STMND1: variants seen among roughly 807,000 people sequenced by gnomAD.
The protein encoded by STMND1 is stathmin domain containing 1.
In STMND1, 17 loss-of-function variants were observed where a neutral mutation model predicts 23.0. The ratio of observed to expected loss-of-function variants is 0.74; its 90% CI spans 0.51 to 1.11. STMND1 has a LOEUF of 1.11. Among genes scored for constraint, STMND1 ranks in the 50% least tolerant of loss-of-function variants. The pLI, the probability that STMND1 is intolerant of heterozygous loss-of-function variation, is 0.00. For missense variants in STMND1, 305 were observed against 329.1 expected (o/e 0.93, Z 0.57); for synonymous variants, 114 against 119.9 (o/e 0.95, Z 0.32).
At chr6:17,126,709 T>A (rs1202814937) in intron 3 of STMND1, among the ~76,000 whole-genome samples, 2 of 152,278 alleles carry the variant, frequency 1.3e-5, no homozygotes, top group East Asian at 3.9e-4. Flanking sequence ...AAAATGATGA[T>A]GGGAGAGGGA....
rs186403183 is a variant in STMND1, at chr6:17,112,702, G to T, written c.82-2260G>T. On this transcript the variant is annotated intron_variant, in intron 1 of 4. Transcript: ENST00000536551. Reference sequence around the variant, plus strand: ...TGAGGCAGGAGAATGGCGTGAACCCGGGAGGCAGAGCTTGCAGTGAGCCGA... The same window carrying T: ...TGAGGCAGGAGAATGGCGTGAACCCTGGAGGCAGAGCTTGCAGTGAGCCGA... 5.6e-4 allele frequency among the ~76,000 whole-genome samples: 85 copies of T among 152,172 alleles called. 2 individuals are homozygous for T. In the East Asian group the frequency reaches 0.015, roughly 28 times the overall value.
At position 17,110,829 on chromosome 6, in the gene STMND1, C is replaced by T. The variant is rs76400559; in HGVS notation, c.82-4133C>T. 4.9e-3 allele frequency: 2,217 copies of T among 455,876 alleles called. 45 individuals carry two copies. The highest frequency in any genetic ancestry group is 0.039 in the African/African-American group (1,955 of 50,134). The allele number at this position is 455,876 out of a possible 1,614,324, so 28.2% of individuals were successfully genotyped here. ...AAGACATTACCGAGTGGAAGATGCA[C>T]GTGTTCTTTGTGTTCTTATCTCTTC... is the stretch of plus-strand genomic sequence containing the variant. On this transcript the variant is annotated intron_variant, in intron 1 of 4. Transcript: ENST00000536551.
rs1187459198 is a variant in STMND1 at position 17,102,129 on chromosome 6, G to C, written c.-129G>C. ...GAAGTGGGAGAGGCGGGTGGCGCCC[G>C]AGCGCAGTAGCAGGGGCGTAGGGCG... On this transcript the variant is annotated 5_prime_UTR_variant, in exon 1 of 5. Transcript: ENST00000536551. The C allele has an allele frequency of 3.4e-6, 3 of 894,596 alleles. No individual in the cohort carries two copies. Among genetic ancestry groups the C allele is most frequent in the African/African-American group, 3.5e-5 (2 of 56,670 alleles). 55.4% of individuals were successfully genotyped at this position (894,596 alleles called of 1,614,324 possible).
intron 3 of STMND1, among the ~76,000 whole-genome samples, chr6:17,127,000 C>T (rs1266619593): frequency 6.6e-6 from 1 of 152,208 alleles, no homozygotes; most frequent in African/African-American, 2.4e-5. Flanking sequence ...TGCCTGCTGC[C>T]TGATGATCCC....
At chr6:17,125,357 T>G (rs1429714045) in intron 3 of STMND1, among the ~76,000 whole-genome samples, 7 of 152,212 alleles carry the variant, frequency 4.6e-5, no homozygotes, top group Non-Finnish European at 8.8e-5. Context: ...TTTAGAGAGA[T>G]GTGATTGGCT....
chr6:17,118,754 C>T (rs1761191814), intron 2 of STMND1, among the ~76,000 whole-genome samples: 1 of 152,186 alleles, frequency 6.6e-6, no homozygotes, highest in African/African-American at 2.4e-5. Context: ...AACAGTGGGA[C>T]AGTTGAGAGT....
chr6:17,103,861 C>T (rs1378547788), intron 1 of STMND1, among the ~76,000 whole-genome samples: 1 of 152,042 alleles, frequency 6.6e-6, no homozygotes, highest in Non-Finnish European at 1.5e-5. Flanking sequence ...TAACTCACCG[C>T]ACCCTGCTAG....
At chr6:17,112,494 T>C (rs1179697506) in intron 1 of STMND1, among the ~76,000 whole-genome samples, 2 of 152,024 alleles carry the variant, frequency 1.3e-5, no homozygotes, top group African/African-American at 4.8e-5. Flanking sequence ...GTGAAATTTC[T>C]GGGCCAGGCA....
At chr6:17,130,414 C>T (rs1034000403) in intron 4 of STMND1, among the ~76,000 whole-genome samples, 180 bp from the exon 5 acceptor site, 16 of 152,180 alleles carry the variant, frequency 1.1e-4, no homozygotes, top group African/African-American at 3.6e-4. Flanking sequence ...GGACCAGACT[C>T]CAAGCTCCAT....
At chr6:17,119,876 C>T (rs759430019) in intron 2 of STMND1, among the ~76,000 whole-genome samples, 12 of 152,120 alleles carry the variant, frequency 7.9e-5, no homozygotes, top group Non-Finnish European at 1.5e-4. Flanking sequence ...CCCAACAGGC[C>T]AGCGCCGTTT....
intron 3 of STMND1, among the ~76,000 whole-genome samples, chr6:17,126,010 T>A (rs1291812127): frequency 7.2e-6 from 1 of 138,080 alleles, no homozygotes; most frequent in African/African-American, 2.8e-5. Context: ...GTAACACCTC[T>A]CTAAGCATAA....
intron 1 of STMND1, among the ~76,000 whole-genome samples, chr6:17,106,937 G>A (rs4716110): frequency 0.32 from 49,081 of 151,896 alleles, 8,112 homozygotes; most frequent in African/African-American, 0.34. Flanking sequence ...TTTCTTCTAT[G>A]AGAATAACTC....
chr6:17,108,161 A>G (rs1761050969), intron 1 of STMND1, among the ~76,000 whole-genome samples: 1 of 152,230 alleles, frequency 6.6e-6, no homozygotes, highest in South Asian at 2.1e-4. Flanking sequence ...CTAAGTAAGA[A>G]CAGATGGGTA....
At chr6:17,110,846 T>C (rs769625989) in intron 1 of STMND1, 3 of 455,916 alleles carry the variant, frequency 6.6e-6, no homozygotes, top group South Asian at 1.5e-5. Context: ...TTTGTGTTCT[T>C]ATCTCTTCTG....
intron 1 of STMND1, among the ~76,000 whole-genome samples, chr6:17,112,453 G>A (rs1020445067): frequency 9.2e-5 from 14 of 152,116 alleles, no homozygotes; most frequent in African/African-American, 3.4e-4. Context: ...AAGAACAGAT[G>A]TTTTTATTTT....
intron 1 of STMND1, among the ~76,000 whole-genome samples, chr6:17,114,640 T>A (rs956457634): frequency 6.6e-6 from 1 of 152,234 alleles, no homozygotes; most frequent in East Asian, 1.9e-4. Context: ...TGTGCTCCTA[T>A]GAGAATCTAA....
At chr6:17,126,034 T>TTTTATATATATATATATA (rs1348334184) in intron 3 of STMND1, among the ~76,000 whole-genome samples, 3 of 42,008 alleles carry the variant, frequency 7.1e-5, no homozygotes, top group African/African-American at 3.8e-4. Context: ...GATCATTGTT[T>TTTTATATATATATATATA]TATATATATA....
At chr6:17,124,153 G>GTTACTACAATGTGGTAAATC (rs1761266417) in intron 3 of STMND1, among the ~76,000 whole-genome samples, 2 of 152,072 alleles carry the variant, frequency 1.3e-5, no homozygotes, top group African/African-American at 4.8e-5. Context: ...TATGTCAGCA[G>GTTACTACAATGTGGTAAATC]TTACTACAAT....
chr6:17,102,147 G>A lies in STMND1; in HGVS notation c.-111G>A, dbSNP rs1435255207. ...GGCGCCCGAGCGCAGTAGCAGGGGC[G>A]TAGGGCGCAGGGCGCAGGAGCGCGG... On this transcript the variant is annotated 5_prime_UTR_variant, in exon 1 of 5. Transcript: ENST00000536551. 3 of 1,118,332 alleles carry A rather than the reference G, an allele frequency of 2.7e-6. No homozygotes were observed. The highest frequency in any genetic ancestry group is 1.7e-5 in the African/African-American group (1 of 60,502). 69.3% of individuals were successfully genotyped at this position (1,118,332 alleles called of 1,614,324 possible).
Sources: gnomAD v4.1 joint callset for allele counts (sites outside exome capture counted in the v4.1 genomes callset) on GRCh38, gnomAD v4.1.1 for gene constraint, MANE v1.5 for transcripts, NCBI Gene and HGNC (gene_info 2026-07-23, HGNC 2026-07-21) for gene names.